LIMA1: variants seen among roughly 807,000 people sequenced by gnomAD.
The protein encoded by LIMA1 is LIM domain and actin-binding protein 1.
A neutral mutation model predicts 62.6 loss-of-function variants in LIMA1; 52 were observed. The ratio of observed to expected loss-of-function variants is 0.83; its 90% CI spans 0.67 to 1.05. The LOEUF is 1.05. Ranked by LOEUF, LIMA1 falls within the 50% of genes least tolerant of loss-of-function variation. The probability of loss-of-function intolerance (pLI) is 0.00; values close to 1 mark genes in which losing one functional copy is unlikely to be tolerated. For missense variants in LIMA1, 780 were observed against 902.2 expected, an observed-to-expected ratio of 0.86 and a Z score of 1.74; for synonymous variants, 302 against 317.8, an observed-to-expected ratio of 0.95 and a Z score of 0.53.
At chr12:50,258,627 T>C (rs1447809170) in intron 1 of LIMA1, among the ~76,000 whole-genome samples, 2 of 146,286 alleles carry the variant, frequency 1.4e-5, no homozygotes, top group Non-Finnish European at 3.0e-5. Context: ...TTTAGCTCTA[T>C]ATCTACCTAT....
chr12:50,249,017 C>T (rs12312218), intron 1 of LIMA1, among the ~76,000 whole-genome samples: 1,754 of 152,344 alleles, frequency 0.012, 45 homozygotes, highest in African/African-American at 0.041. Context: ...CCCCACTGTG[C>T]AAACATCAAT....
intron 9 of LIMA1, among the ~76,000 whole-genome samples, chr12:50,191,826 CAAAACA>C (rs1378207963): frequency 3.7e-5 from 5 of 134,188 alleles, no homozygotes; most frequent in Non-Finnish European, 8.1e-5. Flanking sequence ...TGTCTCAAAA[CAAAACA>C]AAAACAAACA....
chr12:50,190,707 T>A (rs1398236200), intron 9 of LIMA1, among the ~76,000 whole-genome samples: 1 of 55,014 alleles, frequency 1.8e-5, no homozygotes, highest in African/African-American at 9.5e-5. Flanking sequence ...TTTTTTTTTT[T>A]TTTTTTTTTT....
intron 3 of LIMA1, 49 bp downstream of exon 3, chr12:50,231,616 C>T (rs1224499790): frequency 2.5e-6 from 4 of 1,584,150 alleles, no homozygotes; most frequent in South Asian, 2.2e-5. Context: ...CTTGGCCACA[C>T]AATTCTGCTC....
intron 1 of LIMA1, among the ~76,000 whole-genome samples, chr12:50,268,748 T>G (rs953494516): frequency 6.6e-6 from 1 of 152,076 alleles, no homozygotes; most frequent in African/African-American, 2.4e-5. Context: ...CAGCAAATAT[T>G]TATTATTCTC....
intron 4 of LIMA1, among the ~76,000 whole-genome samples, chr12:50,211,421 T>A (rs936078297): frequency 7.4e-6 from 1 of 134,830 alleles, no homozygotes; most frequent in Non-Finnish European, 1.6e-5. Context: ...GGCAGGAGGG[T>A]TGCTTGAGGC....
chr12:50,269,707 G>A (rs943907226), intron 1 of LIMA1, among the ~76,000 whole-genome samples: 3 of 151,640 alleles, frequency 2.0e-5, no homozygotes, highest in African/African-American at 7.3e-5. Flanking sequence ...ATCACCTGAG[G>A]TCACAAGTTT....
chr12:50,220,358 A>G (rs1941420143), intron 4 of LIMA1, among the ~76,000 whole-genome samples: 1 of 151,930 alleles, frequency 6.6e-6, no homozygotes, highest in African/African-American at 2.4e-5. Flanking sequence ...CCACGCCCGG[A>G]CTAGTAAGAT....
chr12:50,243,414 G>A (rs561630385), intron 2 of LIMA1, among the ~76,000 whole-genome samples: 15 of 152,304 alleles, frequency 9.8e-5, no homozygotes, highest in Admixed American at 4.6e-4. Flanking sequence ...ACAGACATTA[G>A]TATATGCTTT....
rs1389892182 is a variant in LIMA1 at position 50,184,106 on chromosome 12, G to T, written c.1141-2069C>A. 1.9e-4 allele frequency among the ~76,000 whole-genome samples: 29 copies of T among 152,120 alleles called. 1 individual carries two copies. Among genetic ancestry groups the T allele is most frequent in the African/African-American group, 7.2e-5 (3 of 41,414 alleles). On this transcript the variant is annotated intron_variant, in intron 9 of 10. Coordinates refer to ENST00000341247, the MANE Select transcript of LIMA1 (RefSeq NM_016357.5). ...ACCAGGACTCTGCTTTATTCTAGGG[G>T]CAATGTCCTAAAAAGAAACATCTAA...
At chr12:50,245,569 T>C (rs1421218812) in intron 2 of LIMA1, among the ~76,000 whole-genome samples, 1 of 151,826 alleles carries the variant, frequency 6.6e-6, no homozygotes, top group African/African-American at 2.4e-5. Context: ...TAGAATCTTG[T>C]TGGGTTTTCT....
At position 50,209,459 on chromosome 12, in the gene LIMA1, C is replaced by A. The variant is rs1565841589; in HGVS notation, c.631-3391G>T. Among the ~76,000 whole-genome samples, 6 of 150,658 alleles carry A rather than the reference C, an allele frequency of 4.0e-5. No individual in the cohort carries two copies. In the South Asian group the frequency reaches 1.0e-3, roughly 26 times the overall value. On this transcript the variant is annotated intron_variant, in intron 4 of 10. Transcript: ENST00000341247. Reference sequence around the variant, plus strand: ...CGGTGCGCACCTGTAATCTCAGCTACTCAGGAGGCTGAGGTTGAGAATCAC... The same window carrying A: ...CGGTGCGCACCTGTAATCTCAGCTAATCAGGAGGCTGAGGTTGAGAATCAC...
At chr12:50,223,245 G>T (rs887206447) in intron 3 of LIMA1, among the ~76,000 whole-genome samples, 9 of 152,016 alleles carry the variant, frequency 5.9e-5, no homozygotes, top group African/African-American at 2.2e-4. Flanking sequence ...AGCACTTTGG[G>T]AGGCCGAGGC....
At chr12:50,262,896 T>C (rs192020983) in intron 1 of LIMA1, among the ~76,000 whole-genome samples, 142 of 152,282 alleles carry the variant, frequency 9.3e-4, no homozygotes, top group South Asian at 6.2e-3. Context: ...AAATATTTCT[T>C]ATATTGCCCA....
intron 1 of LIMA1, among the ~76,000 whole-genome samples, chr12:50,252,495 C>T (rs952476322): frequency 2.7e-5 from 4 of 149,926 alleles, no homozygotes; most frequent in Non-Finnish European, 5.9e-5. Flanking sequence ...GCAAGAGACT[C>T]TCTCGAACCT....
At chr12:50,259,597 A>G (rs772777549) in intron 1 of LIMA1, among the ~76,000 whole-genome samples, 87 of 152,312 alleles carry the variant, frequency 5.7e-4, no homozygotes, top group Non-Finnish European at 9.4e-4. Flanking sequence ...ATAAACTCAC[A>G]ATATAAAAAA....
intron 1 of LIMA1, among the ~76,000 whole-genome samples, chr12:50,249,320 T>C (rs1358685101): frequency 6.6e-6 from 1 of 152,144 alleles, no homozygotes; most frequent in East Asian, 1.9e-4. Context: ...CTTGAACATA[T>C]TATGTAATAT....
intron 1 of LIMA1, among the ~76,000 whole-genome samples, chr12:50,251,164 T>A (rs532094922): frequency 6.6e-6 from 1 of 152,122 alleles, no homozygotes; most frequent in Non-Finnish European, 1.5e-5. Flanking sequence ...TATAAAACTA[T>A]CATAGTTTTT....
intron 2 of LIMA1, among the ~76,000 whole-genome samples, chr12:50,234,961 C>T (rs996236258): frequency 6.6e-6 from 1 of 151,994 alleles, no homozygotes; most frequent in Non-Finnish European, 1.5e-5. Context: ...CAGCGAGCTA[C>T]GATCATGCCA....
Sources: allele counts gnomAD v4.1 joint callset (sites outside exome capture counted in the v4.1 genomes callset), GRCh38; gene constraint gnomAD v4.1.1; transcripts MANE v1.5; gene names NCBI Gene and HGNC (gene_info 2026-07-23, HGNC 2026-07-21).